Variants in FSTL5 observed in about 807,000 individuals in gnomAD.
The protein encoded by FSTL5 is follistatin like 5.
FSTL5 carries 62 observed loss-of-function variants against 89.1 expected under a neutral mutation model. The observed-to-expected ratio is 0.70, with a 90% CI of 0.57 to 0.86. FSTL5 has a LOEUF of 0.86. FSTL5 is among the 40% of genes least tolerant of loss of function. The pLI, the probability that FSTL5 is intolerant of heterozygous loss-of-function variation, is 0.00. For synonymous variants in FSTL5, 383 were observed against 346.2 expected (o/e 1.11, Z -1.18); for missense variants, 1,057 against 1,001.6 (o/e 1.06, Z -0.75).
intron 2 of FSTL5, among the ~76,000 whole-genome samples, chr4:162,106,356 T>G (rs1487046416): frequency 1.3e-5 from 2 of 152,174 alleles, no homozygotes; most frequent in Non-Finnish European, 2.9e-5. Context: ...TCTGTCCTCA[T>G]AAGATCTTCC....
intron 6 of FSTL5, among the ~76,000 whole-genome samples, chr4:161,739,996 C>CTATT (rs141804950): frequency 0.063 from 9,376 of 149,450 alleles, 294 homozygotes; most frequent in African/African-American, 0.066. Context: ...AGGATAGTAT[C>CTATT]TATTTATTTA....
intron 4 of FSTL5, among the ~76,000 whole-genome samples, chr4:161,824,475 G>T (rs773057645): frequency 2.5e-4 from 38 of 152,118 alleles, no homozygotes; most frequent in Non-Finnish European, 5.3e-4. Flanking sequence ...TTTTTGCTTA[G>T]TCTTGCTTTG....
At chr4:161,561,050 T>C (rs1732577932) in intron 8 of FSTL5, among the ~76,000 whole-genome samples, 1 of 151,942 alleles carries the variant, frequency 6.6e-6, no homozygotes, top group Non-Finnish European at 1.5e-5. Flanking sequence ...GAGTAATGCA[T>C]TGTACTGTGA....
chr4:161,434,647 G>C (rs1198947846), intron 15 of FSTL5, among the ~76,000 whole-genome samples: 3 of 151,920 alleles, frequency 2.0e-5, no homozygotes, highest in Non-Finnish European at 2.9e-5. Context: ...TATTGAATGG[G>C]AGAAATATTT....
chr4:161,531,131 TGAA>T (rs1731399165), intron 10 of FSTL5, among the ~76,000 whole-genome samples: 1 of 152,200 alleles, frequency 6.6e-6, no homozygotes, highest in Non-Finnish European at 1.5e-5. Context: ...TATATTATTT[TGAA>T]GCACATATTT....
chr4:161,514,306 T>A (rs752914479), intron 10 of FSTL5, among the ~76,000 whole-genome samples: 3 of 151,926 alleles, frequency 2.0e-5, no homozygotes, highest in Admixed American at 2.0e-4. Flanking sequence ...AGAAATGAAA[T>A]CTTGTCTTTT....
intron 7 of FSTL5, among the ~76,000 whole-genome samples, chr4:161,645,651 G>A (rs957697799): frequency 6.6e-6 from 1 of 151,928 alleles, no homozygotes; most frequent in African/African-American, 2.4e-5. Context: ...GAACCTACAC[G>A]ACCTGCGTTA....
chr4:161,686,016 T>A (rs142273134), intron 6 of FSTL5, among the ~76,000 whole-genome samples: 1 of 152,154 alleles, frequency 6.6e-6, no homozygotes, highest in East Asian at 1.9e-4. Flanking sequence ...GAGATGGTCA[T>A]GTAATTTTTT....
chr4:161,546,586 A>C (rs926048460), intron 8 of FSTL5, among the ~76,000 whole-genome samples: 2 of 151,870 alleles, frequency 1.3e-5, no homozygotes, highest in Non-Finnish European at 2.9e-5. Context: ...AACACATTAT[A>C]GACAGCTTTA....
intron 2 of FSTL5, among the ~76,000 whole-genome samples, chr4:162,084,158 G>A (rs1730213031): frequency 6.6e-6 from 1 of 151,780 alleles, no homozygotes; most frequent in Admixed American, 6.6e-5. Context: ...TGCATCAGTG[G>A]TGCAAATTAT....
intron 6 of FSTL5, among the ~76,000 whole-genome samples, chr4:161,732,192 T>C (rs2126763184): frequency 6.6e-6 from 1 of 152,276 alleles, no homozygotes; most frequent in South Asian, 2.1e-4. Flanking sequence ...ATAGCCAATA[T>C]GTAATTTAGT....
At chr4:161,752,594 T>C (rs1174320873) in intron 6 of FSTL5, among the ~76,000 whole-genome samples, 1 of 152,134 alleles carries the variant, frequency 6.6e-6, no homozygotes, top group East Asian at 1.9e-4. Flanking sequence ...AGACTTCACT[T>C]TTTTTTCCCT....
At chr4:161,911,596 C>T (rs542246313) in intron 4 of FSTL5, among the ~76,000 whole-genome samples, 1 of 152,224 alleles carries the variant, frequency 6.6e-6, no homozygotes, top group South Asian at 2.1e-4. Flanking sequence ...TTGACTATCA[C>T]ATAAAGAAAG....
intron 3 of FSTL5, among the ~76,000 whole-genome samples, chr4:161,936,959 T>C (rs1195516369): frequency 1.3e-5 from 2 of 152,104 alleles, no homozygotes; most frequent in African/African-American, 4.8e-5. Flanking sequence ...AAGGTGATGG[T>C]TGAAAAACCT....
intron 12 of FSTL5, among the ~76,000 whole-genome samples, chr4:161,481,847 C>T (rs1448952525): frequency 6.6e-6 from 1 of 152,128 alleles, no homozygotes. Context: ...CCTCTATTTC[C>T]TCTTTTCCTT....
At chr4:162,004,053 G>A (rs1736540677) in intron 3 of FSTL5, among the ~76,000 whole-genome samples, 1 of 152,018 alleles carries the variant, frequency 6.6e-6, no homozygotes, top group African/African-American at 2.4e-5. Flanking sequence ...TCATAATACG[G>A]CAGGTTAAGC....
intron 15 of FSTL5, among the ~76,000 whole-genome samples, chr4:161,427,809 G>A (rs532697580): frequency 6.6e-6 from 1 of 152,286 alleles, no homozygotes; most frequent in South Asian, 2.1e-4. Context: ...TCAAGAAGTT[G>A]AGGAGGAAGA....
intron 15 of FSTL5, among the ~76,000 whole-genome samples, chr4:161,442,642 T>C (rs913946758): frequency 7.9e-5 from 12 of 152,190 alleles, no homozygotes; most frequent in African/African-American, 2.4e-4. Flanking sequence ...GCATTATTTT[T>C]CAATGAAAAT....
chr4:161,833,216 T>C (rs1730907854), intron 4 of FSTL5, among the ~76,000 whole-genome samples: 1 of 152,118 alleles, frequency 6.6e-6, no homozygotes. Flanking sequence ...AATCCTGAGT[T>C]CTAGTTTGAT....
Sources: gnomAD v4.1 joint callset for allele counts (sites outside exome capture counted in the v4.1 genomes callset) on GRCh38, gnomAD v4.1.1 for gene constraint, MANE v1.5 for transcripts, NCBI Gene and HGNC (gene_info 2026-07-23, HGNC 2026-07-21) for gene names.